TRIM67: variants seen among roughly 807,000 people sequenced by gnomAD.
TRIM67 encodes tripartite motif-containing protein 67.
In TRIM67, 39 loss-of-function variants were observed where a neutral mutation model predicts 71.0. The ratio of observed to expected loss-of-function variants is 0.55; its 90% confidence interval spans 0.43 to 0.72. TRIM67 has a LOEUF of 0.72. Among genes scored for constraint, TRIM67 ranks in the 30% least tolerant of loss-of-function variants. TRIM67 has a pLI of 0.00. For synonymous variants in TRIM67, 481 were observed against 473.9 expected (o/e 1.01, Z -0.19); for missense variants, 973 against 1,079.2 (o/e 0.90, Z 1.38).
chr1:231,184,915 G>A (rs1683018449), intron 1 of TRIM67: 2 of 1,067,090 alleles, frequency 1.9e-6, no homozygotes, highest in African/African-American at 3.2e-5. Context: ...GTAAAATTAG[G>A]GTTTGAATTC....
In TRIM67 at chr1:231,192,030, C is replaced by T. The variant is rs568298778; in HGVS notation, c.1045-5341C>T. Among the ~76,000 whole-genome samples, 11 of 152,268 alleles carry T rather than the reference C, an allele frequency of 7.2e-5. No individual in the cohort carries two copies. The South Asian group carries it at 2.3e-3, about 32-fold the overall frequency. On this transcript the variant is annotated intron_variant, in intron 1 of 9. Transcript: ENST00000366653. ...CCACCCATCTTTAGAGAGTGAGAGCCAGGCAAGGTGGCTCAGGCCTGTAAT... is the reference window on the plus strand; with the variant it reads ...CCACCCATCTTTAGAGAGTGAGAGCTAGGCAAGGTGGCTCAGGCCTGTAAT...
At position 231,216,268 on chromosome 1, in the gene TRIM67, T is replaced by C. The variant is rs534172127; in HGVS notation, c.*828T>C. 3 of 983,142 alleles carry C rather than the reference T, an allele frequency of 3.1e-6. No individual in the cohort carries two copies. The highest frequency in any genetic ancestry group is 3.5e-5 in the African/African-American group (2 of 57,260). The allele number at this position is 983,142 out of a possible 1,614,324, so 60.9% of individuals were successfully genotyped here. On this transcript the variant is annotated 3_prime_UTR_variant, in exon 10 of 10. Transcript: ENST00000366653. The stretch of plus-strand genomic sequence containing the variant: ...CCTCTTTCTTCCCTCTTTCGCTCTC[T>C]TTCCCTCCCTCCTTCTCTCTCTCTC...
intron 6 of TRIM67, among the ~76,000 whole-genome samples, chr1:231,204,643 G>A (rs553863285): frequency 5.9e-5 from 9 of 152,280 alleles, no homozygotes; most frequent in African/African-American, 1.4e-4. Flanking sequence ...ACTCCGTGAC[G>A]TTCAGGCGGA....
intron 1 of TRIM67, 120 bp from the exon 2 acceptor site, chr1:231,197,251 C>T (rs1355868056): frequency 2.8e-6 from 2 of 712,702 alleles, no homozygotes; most frequent in South Asian, 1.8e-5. Flanking sequence ...TCAATGAGAA[C>T]AGCAGATGCG....
intron 1 of TRIM67, among the ~76,000 whole-genome samples, chr1:231,188,696 C>G (rs1307750840): frequency 6.6e-6 from 1 of 152,170 alleles, no homozygotes. Context: ...AGCCCATGCT[C>G]CCTTCTGTAA....
chr1:231,196,794 G>A (rs1397691191), intron 1 of TRIM67, among the ~76,000 whole-genome samples: 1 of 152,166 alleles, frequency 6.6e-6, no homozygotes, highest in East Asian at 1.9e-4. Flanking sequence ...GAGTCCCCAG[G>A]GCTAAGGGTA....
chr1:231,202,243 G>T lies in TRIM67; in HGVS notation c.1534+726G>T, dbSNP rs1445349596. Among the ~76,000 whole-genome samples, 6 of 11,918 alleles carry T rather than the reference G, an allele frequency of 5.0e-4. 1 individual carries two copies. Among genetic ancestry groups the T allele is most frequent in the African/African-American group, 1.5e-3 (6 of 4,060 alleles). 7.8% of individuals were successfully genotyped at this position (11,918 alleles called of 152,430 possible). A position where few individuals can be genotyped will look rare whatever the true frequency, so the allele number is the denominator to read the frequency against. ...GAGGAGGTAGTAGGAGAGGAGGGGG[G>T]GTAGTGGAGAAGGAGGAGGTGGTGG... On this transcript the variant is annotated intron_variant, in intron 5 of 9. Coordinates refer to ENST00000366653, the MANE Select transcript of TRIM67 (RefSeq NM_001004342.5).
chr1:231,166,218 G>A (rs1478282291), intron 1 of TRIM67, among the ~76,000 whole-genome samples: 1 of 152,208 alleles, frequency 6.6e-6, no homozygotes, highest in Admixed American at 6.5e-5. Context: ...AATCCAGAAG[G>A]AACACTACAA....
rs1336150626 is a variant in TRIM67, at chr1:231,216,860, C to T, written c.*1420C>T. On this transcript the variant is annotated 3_prime_UTR_variant, in exon 10 of 10. Transcript: ENST00000366653. ...CAGGGAACCCTTCCTCTCCTCCCTC[C>T]TCTCATCTTCCCAGTCACCTGCCAC... 2.0e-6 allele frequency: 2 copies of T among 985,582 alleles called. No homozygotes were observed. The highest frequency in any genetic ancestry group is 2.4e-6 in the Non-Finnish European group (2 of 829,992). The allele number at this position is 985,582 out of a possible 1,614,324, so 61.1% of individuals were successfully genotyped here. A position where few individuals can be genotyped will look rare whatever the true frequency, so the allele number is the denominator to read the frequency against.
At position 231,216,792 on chromosome 1, in the gene TRIM67, A is replaced by G. The variant is rs1427612414; in HGVS notation, c.*1352A>G. 3 of 985,394 alleles carry G rather than the reference A, an allele frequency of 3.0e-6. No individual in the cohort carries two copies. The highest frequency in any genetic ancestry group is 3.6e-6 in the Non-Finnish European group (3 of 829,992). 61.0% of individuals were successfully genotyped at this position (985,394 alleles called of 1,614,324 possible). A position where few individuals can be genotyped will look rare whatever the true frequency, so the allele number is the denominator to read the frequency against. ...ATTGATTCATCCACACCTCTCAGAG[A>G]CAGCTCATGGCAGGGGTTTTGAGCC... On this transcript the variant is annotated 3_prime_UTR_variant, in exon 10 of 10. Transcript: ENST00000366653.
chr1:231,171,158 T>G (rs1682608219), intron 1 of TRIM67, among the ~76,000 whole-genome samples: 1 of 152,122 alleles, frequency 6.6e-6, no homozygotes, highest in Middle Eastern at 3.2e-3. Context: ...GCCTGAGAGC[T>G]TTGAACTAGT....
chr1:231,216,154 CTT>C lies in TRIM67; in HGVS notation c.*716_*717del, dbSNP rs1215101190. 2 of 973,644 alleles carry C rather than the reference CTT, an allele frequency of 2.1e-6. No homozygotes were observed. The highest frequency in any genetic ancestry group is 2.4e-6 in the Non-Finnish European group (2 of 819,552). The allele number at this position is 973,644 out of a possible 1,614,324, so 60.3% of individuals were successfully genotyped here. A position where few individuals can be genotyped will look rare whatever the true frequency, so the allele number is the denominator to read the frequency against. On this transcript the variant is annotated 3_prime_UTR_variant, in exon 10 of 10. Coordinates refer to ENST00000366653, the MANE Select transcript of TRIM67 (RefSeq NM_001004342.5). ...TCATTTCTTCTCCCTCCCTCCTTCT[CTT>C]TCTCTCTTCTTCTCTCTCTCCTTCC...
intron 4 of TRIM67, 50 bp from the exon 5 acceptor site, chr1:231,201,308 C>A: frequency 6.4e-7 from 1 of 1,569,676 alleles, no homozygotes; most frequent in Non-Finnish European, 8.6e-7. Flanking sequence ...CCTGGCTGCA[C>A]AATTTTTCCT....
intron 1 of TRIM67, among the ~76,000 whole-genome samples, chr1:231,178,745 C>A (rs946124836): frequency 1.3e-5 from 2 of 152,222 alleles, no homozygotes; most frequent in African/African-American, 4.8e-5. Flanking sequence ...ATAAAAAGAT[C>A]CGTGTTCCAT....
rs778976146 is a variant in TRIM67, at chr1:231,206,751, G to C, written c.1780G>C (p.Gly594Arg). 2 of 1,610,428 alleles carry C rather than the reference G, an allele frequency of 1.2e-6. No homozygotes were observed. The highest frequency in any genetic ancestry group is 2.7e-5 in the African/African-American group (2 of 74,904). Reference sequence around the variant, plus strand: ...CAAAGCTTTCAACTCTTCTGGTGTCGGGCCTTACAGTAAAACTGTCGTCCT... The same window carrying C: ...CAAAGCTTTCAACTCTTCTGGTGTCCGGCCTTACAGTAAAACTGTCGTCCT... ...RVKAFNSSGV[G>R]PYSKTVVLQT... is the part of the protein sequence containing the mutation. The change falls in exon 7 of 10, where the codon GGG becomes CGG. Residue 594 changes from glycine (G) to arginine (R), a missense_variant. Gly to Arg is a moderately radical substitution (Grantham distance 125). Coordinates refer to ENST00000366653, the MANE Select transcript of TRIM67 (RefSeq NM_001004342.5).
chr1:231,202,818 G>C (rs980635740), intron 5 of TRIM67, among the ~76,000 whole-genome samples: 1 of 152,180 alleles, frequency 6.6e-6, no homozygotes, highest in African/African-American at 2.4e-5. Flanking sequence ...GCCTGGCAGA[G>C]TGGATGAGCT....
chr1:231,204,408 G>A (rs1683638318), intron 6 of TRIM67, among the ~76,000 whole-genome samples: 1 of 152,178 alleles, frequency 6.6e-6, no homozygotes, highest in African/African-American at 2.4e-5. Context: ...AGCACTGTCT[G>A]ACCCTCATAT....
intron 2 of TRIM67, among the ~76,000 whole-genome samples, chr1:231,197,853 G>A (rs183578296): frequency 3.7e-5 from 5 of 135,886 alleles, no homozygotes; most frequent in South Asian, 2.3e-4. Context: ...GAAGAAGAAG[G>A]AGAAGGAGAA....
chr1:231,170,289 T>A (rs1357021772), intron 1 of TRIM67, among the ~76,000 whole-genome samples: 1 of 152,170 alleles, frequency 6.6e-6, no homozygotes, highest in African/African-American at 2.4e-5. Context: ...CCCAGTCTTT[T>A]TTTCTTTTTA....
Sources: allele counts gnomAD v4.1 joint callset (sites outside exome capture counted in the v4.1 genomes callset), GRCh38; gene constraint gnomAD v4.1.1; transcripts MANE v1.5; gene names NCBI Gene and HGNC (gene_info 2026-07-23, HGNC 2026-07-21).